Variants in ZNF654 observed in about 807,000 individuals in gnomAD.
ZNF654 encodes melanoma-associated antigen.
Under a neutral mutation model 95.3 loss-of-function variants are expected in ZNF654, and 19 were observed. That is an observed-to-expected ratio of 0.20 (90% CI 0.14 to 0.29). The LOEUF is 0.29. ZNF654 is among the 10% of genes least tolerant of loss of function. The pLI is 1.00. For missense variants in ZNF654, 1,046 were observed against 1,341.0 expected, an observed-to-expected ratio of 0.78 and a Z score of 3.44; for synonymous variants, 413 against 457.9, an observed-to-expected ratio of 0.90 and a Z score of 1.25.
At chr3:88,135,262 A>G in intron 7 of ZNF654, 60 bp downstream of exon 7, 1 of 1,273,156 alleles carries the variant, frequency 7.9e-7, no homozygotes, top group Non-Finnish European at 1.0e-6. Flanking sequence ...CTGAAACTTG[A>G]ATCTCTTTTG....
chr3:88,070,488 C>CA (rs1707441992), intron 1 of ZNF654, among the ~76,000 whole-genome samples: 1 of 150,260 alleles, frequency 6.7e-6, no homozygotes, highest in Non-Finnish European at 1.5e-5. Context: ...AAATACAACC[C>CA]AACAATAATT....
At chr3:88,107,546 T>TG (rs1313611809) in intron 2 of ZNF654, among the ~76,000 whole-genome samples, 1 of 152,174 alleles carries the variant, frequency 6.6e-6, no homozygotes, top group Non-Finnish European at 1.5e-5. Flanking sequence ...TTTCGTCAGT[T>TG]GCGAAAAATT....
At position 88,106,702 on chromosome 3, in the gene ZNF654, G is replaced by A. The variant is rs1704761373; in HGVS notation, c.333-6413G>A. ...GTTAATTTGTTTAATGCTTTTTTAA[G>A]CTGTGTAGATTTTTAAAATGTAATT... On this transcript the variant is annotated intron_variant, in intron 2 of 8. Coordinates refer to ENST00000636215, the MANE Select transcript of ZNF654 (RefSeq NM_001350134.2). 3.3e-5 allele frequency among the ~76,000 whole-genome samples: 5 copies of A among 152,042 alleles called. No individual in the cohort carries two copies. The South Asian group carries it at 1.0e-3, about 32-fold the overall frequency.
At chr3:88,085,947 A>T (rs1255161872) in intron 1 of ZNF654, among the ~76,000 whole-genome samples, 2 of 152,282 alleles carry the variant, frequency 1.3e-5, no homozygotes, top group Non-Finnish European at 2.9e-5. Flanking sequence ...TTAATATTGA[A>T]TAATTGTTAT....
intron 3 of ZNF654, among the ~76,000 whole-genome samples, chr3:88,117,321 G>T (rs1437814061): frequency 6.6e-6 from 1 of 152,082 alleles, no homozygotes; most frequent in African/African-American, 2.4e-5. Flanking sequence ...GAACAAACAG[G>T]ATTCCCACAA....
At chr3:88,083,183 C>G (rs543715962) in intron 1 of ZNF654, among the ~76,000 whole-genome samples, 5 of 152,054 alleles carry the variant, frequency 3.3e-5, no homozygotes, top group African/African-American at 1.2e-4. Context: ...ACAGTCCCAT[C>G]GGGGGGTTAG....
chr3:88,139,839 A>T lies in ZNF654; in HGVS notation c.2170A>T (p.Ile724Phe). 6.3e-7 allele frequency: 1 copy of T among 1,580,402 alleles called. No individual in the cohort carries two copies. The highest frequency in any genetic ancestry group is 8.6e-7 in the Non-Finnish European group (1 of 1,162,312). ...DYDLNQETSV[I>F]HKINGTVCHP... ...TGACCTGAATCAAGAAACTTCAGTA[A>T]TTCATAAAATCAATGGAACTGTGTG... Residue 724 changes from isoleucine (I) to phenylalanine (F), a missense_variant, in exon 8 of 9, where the codon ATT becomes TTT. Ile to Phe is a conservative substitution (Grantham distance 21, BLOSUM62 0). Transcript: ENST00000636215.
At position 88,139,429 on chromosome 3, in the gene ZNF654, T is replaced by C. The variant is rs777446476; in HGVS notation, c.1760T>C (p.Met587Thr). ...AGGAAATTTAGAAACAGAGGACTTA[T>C]GCAGAAGCATTTGAAGAATCATGTT... is the stretch of plus-strand genomic sequence containing the variant. ...CGRKFRNRGL[M>T]QKHLKNHVKK... The change falls in exon 8 of 9, where the codon ATG (methionine) becomes ACG (threonine). Residue 587 changes from methionine (M) to threonine (T), a missense_variant. Met to Thr is a moderately conservative substitution (Grantham distance 81). Around this residue, in one of 9 missense-constraint regions of ZNF654, gnomAD observed 495 missense variants for 537.0 expected, o/e 0.92. Transcript: ENST00000636215. 9.9e-6 allele frequency: 16 copies of C among 1,613,732 alleles called. No homozygotes were observed. The highest frequency in any genetic ancestry group is 2.2e-5 in the South Asian group (2 of 91,076).
intron 3 of ZNF654, among the ~76,000 whole-genome samples, chr3:88,125,248 A>C (rs1706029250): frequency 6.6e-6 from 1 of 151,878 alleles, no homozygotes; most frequent in Non-Finnish European, 1.5e-5. Context: ...AAAAAAACCA[A>C]TATCTAATAA....
At chr3:88,086,710 T>A (rs1190094586) in intron 2 of ZNF654, among the ~76,000 whole-genome samples, 1 of 152,192 alleles carries the variant, frequency 6.6e-6, no homozygotes, top group Non-Finnish European at 1.5e-5. Context: ...TACAGCAGTT[T>A]AGGCTATGAT....
chr3:88,068,264 G>C (rs1707314288), intron 1 of ZNF654, among the ~76,000 whole-genome samples: 1 of 152,018 alleles, frequency 6.6e-6, no homozygotes, highest in African/African-American at 2.4e-5. Flanking sequence ...CATTCATTCA[G>C]GATTAGGTGT....
intron 6 of ZNF654, among the ~76,000 whole-genome samples, chr3:88,131,562 T>C (rs1706466541): frequency 6.6e-6 from 1 of 152,214 alleles, no homozygotes; most frequent in African/African-American, 2.4e-5. Context: ...TTTCTTATTC[T>C]CTTGGTAACC....
intron 1 of ZNF654, among the ~76,000 whole-genome samples, chr3:88,073,801 C>T (rs1434115436): frequency 6.6e-6 from 1 of 152,106 alleles, no homozygotes; most frequent in Non-Finnish European, 1.5e-5. Context: ...CTACAATGTA[C>T]ATTTTTATTA....
intron 2 of ZNF654, among the ~76,000 whole-genome samples, chr3:88,090,036 G>T (rs901467232): frequency 6.6e-6 from 1 of 152,042 alleles, no homozygotes; most frequent in African/African-American, 2.4e-5. Flanking sequence ...TTAGATAAAA[G>T]TATAGCATAT....
chr3:88,130,285 A>G (rs1327420778), intron 6 of ZNF654, among the ~76,000 whole-genome samples: 2 of 152,106 alleles, frequency 1.3e-5, no homozygotes, highest in Non-Finnish European at 2.9e-5. Context: ...AACTCTTACC[A>G]CTTTGCTGTT....
chr3:88,100,368 G>A (rs906521772), intron 2 of ZNF654, among the ~76,000 whole-genome samples: 6 of 152,174 alleles, frequency 3.9e-5, no homozygotes, highest in African/African-American at 4.8e-5. Flanking sequence ...CTTTTACACT[G>A]TTGGTGGGAC....
chr3:88,122,087 A>G (rs1193994678), intron 3 of ZNF654, among the ~76,000 whole-genome samples: 4 of 152,222 alleles, frequency 2.6e-5, no homozygotes, highest in Non-Finnish European at 4.4e-5. Context: ...CAAATGTTCA[A>G]TATGGCAGGA....
chr3:88,077,016 A>G (rs1260175387), intron 1 of ZNF654, among the ~76,000 whole-genome samples: 1 of 152,174 alleles, frequency 6.6e-6, no homozygotes, highest in Non-Finnish European at 1.5e-5. Flanking sequence ...ACTTCCCTGG[A>G]GTAAAAGAAT....
At position 88,143,529 on chromosome 3, in the gene ZNF654, T is replaced by A. The variant is rs1707223996; in HGVS notation, c.*1877T>A. The A allele has an allele frequency of 6.6e-6, 1 of 152,310 alleles. No homozygotes were observed. The highest frequency in any genetic ancestry group is 1.5e-5 in the Non-Finnish European group (1 of 67,762). 9.4% of individuals were successfully genotyped at this position (152,310 alleles called of 1,614,324 possible). A position where few individuals can be genotyped will look rare whatever the true frequency, so the allele number is the denominator to read the frequency against. ...AAACTGGTTCATTTGGACAGTGAAG[T>A]CTTTTGAAATATTTCTGCTTTGTAC... On this transcript the variant is annotated 3_prime_UTR_variant, in exon 9 of 9. Coordinates refer to ENST00000636215, the MANE Select transcript of ZNF654 (RefSeq NM_001350134.2).
Sources: gnomAD v4.1 joint callset for allele counts (sites outside exome capture counted in the v4.1 genomes callset) on GRCh38, gnomAD v4.1.1 for gene constraint, gnomAD v4.1.1 regional missense constraint, MANE v1.5 for transcripts, NCBI Gene and HGNC (gene_info 2026-07-23, HGNC 2026-07-21) for gene names.